UNC13B: variants seen among roughly 807,000 people sequenced by gnomAD.
UNC13B encodes protein unc-13 homolog B.
A neutral mutation model predicts 211.0 loss-of-function variants in UNC13B; 144 were observed. The ratio of observed to expected loss-of-function variants is 0.68; its 90% CI spans 0.60 to 0.78. UNC13B has a LOEUF of 0.78. Ranked by LOEUF, UNC13B falls within the 30% of genes least tolerant of loss-of-function variation. The pLI is 0.00. For missense variants in UNC13B, 1,777 were observed against 2,002.0 expected (o/e 0.89, Z 2.14); for synonymous variants, 709 against 725.8 (o/e 0.98, Z 0.37).
At chr9:35,383,026 G>T (rs909349183) in intron 21 of UNC13B, among the ~76,000 whole-genome samples, 2 of 152,164 alleles carry the variant, frequency 1.3e-5, no homozygotes, top group African/African-American at 4.8e-5. Flanking sequence ...AAGGTGGTTG[G>T]GGGTGGTACC....
At chr9:35,346,434 C>G (rs1293754281) in intron 11 of UNC13B, among the ~76,000 whole-genome samples, 1 of 152,114 alleles carries the variant, frequency 6.6e-6, no homozygotes, top group Admixed American at 6.6e-5. Flanking sequence ...AAAGAATCAG[C>G]CATTTCAAAA....
At chr9:35,346,200 A>C (rs1305985028) in intron 11 of UNC13B, among the ~76,000 whole-genome samples, 2 of 152,270 alleles carry the variant, frequency 1.3e-5, no homozygotes, top group South Asian at 4.1e-4. Flanking sequence ...TATGGCCCAG[A>C]AATGCTCTGT....
intron 6 of UNC13B, among the ~76,000 whole-genome samples, chr9:35,253,246 A>G (rs1055250817): frequency 2.0e-5 from 3 of 152,132 alleles, no homozygotes; most frequent in Non-Finnish European, 1.5e-5. Context: ...GGTTCAAGTG[A>G]TCCTCCCAGT....
At chr9:35,384,680 T>A (rs1224097223) in intron 22 of UNC13B, 3 of 985,294 alleles carry the variant, frequency 3.0e-6, no homozygotes, top group Non-Finnish European at 3.6e-6. Flanking sequence ...TTTTCCATAC[T>A]CTCCTCGTTT....
At chr9:35,162,359 A>T in intron 1 of UNC13B, 54 bp downstream of exon 1, 1 of 1,490,980 alleles carries the variant, frequency 6.7e-7, no homozygotes, top group Non-Finnish European at 8.9e-7. Flanking sequence ...AGGTCCCCGC[A>T]CCCTTCCAGT....
intron 1 of UNC13B, among the ~76,000 whole-genome samples, chr9:35,224,093 A>G (rs1824708406): frequency 6.6e-6 from 1 of 152,164 alleles, no homozygotes; most frequent in Admixed American, 6.5e-5. Context: ...TGATACCTTC[A>G]GCTTTGTCCA....
chr9:35,191,216 T>C (rs139970371), intron 1 of UNC13B, among the ~76,000 whole-genome samples: 1 of 152,288 alleles, frequency 6.6e-6, no homozygotes, highest in Non-Finnish European at 1.5e-5. Flanking sequence ...CCTCCCAAAG[T>C]GCAGGGATTA....
Position 35,397,740 on chromosome 9 carries a change from G to T in UNC13B, c.11754+28G>T, listed in dbSNP as rs765653958. ...AGGTTCAGGCCCTGGGACTCTTACA[G>T]AAAGAGAGTGGAAGACATTTGAATC... On this transcript the variant is annotated intron_variant, in intron 30 of 39. Coordinates refer to ENST00000635942, the MANE Select transcript of UNC13B (RefSeq NM_001371189.2). 8.1e-6 allele frequency: 13 copies of T among 1,610,264 alleles called. No homozygotes were observed. The African/African-American group carries it at 1.6e-4, about 20-fold the overall frequency.
intron 6 of UNC13B, among the ~76,000 whole-genome samples, chr9:35,257,731 G>A (rs10972409): frequency 0.15 from 22,760 of 150,526 alleles, 1,974 homozygotes; most frequent in Admixed American, 0.25. Context: ...TCTGACATTT[G>A]TACCATATTC....
At chr9:35,176,257 C>G (rs576141029) in intron 1 of UNC13B, among the ~76,000 whole-genome samples, 28 of 151,856 alleles carry the variant, frequency 1.8e-4, no homozygotes, top group African/African-American at 6.8e-4. Context: ...ATTCTTTCAA[C>G]AACTATTGGG....
intron 8 of UNC13B, among the ~76,000 whole-genome samples, chr9:35,299,168 A>G (rs494831): frequency 0.36 from 54,339 of 151,916 alleles, 10,182 homozygotes; most frequent in African/African-American, 0.47. Context: ...GGAGGCGGAC[A>G]TTGCAATGAG....
intron 1 of UNC13B, among the ~76,000 whole-genome samples, chr9:35,223,578 A>G (rs1189370033): frequency 2.6e-5 from 4 of 151,694 alleles, no homozygotes; most frequent in Admixed American, 1.3e-4. Context: ...TCTGGATATT[A>G]GTCCCTTGTT....
intron 1 of UNC13B, among the ~76,000 whole-genome samples, chr9:35,203,270 G>A (rs1287866489): frequency 3.9e-5 from 6 of 152,288 alleles, no homozygotes; most frequent in Admixed American, 3.9e-4. Flanking sequence ...TTTACAATTT[G>A]GCATGTTTTT....
intron 26 of UNC13B, among the ~76,000 whole-genome samples, chr9:35,394,535 G>A (rs1835751889): frequency 6.6e-6 from 1 of 152,206 alleles, no homozygotes; most frequent in South Asian, 2.1e-4. Flanking sequence ...GGCAGAGGTT[G>A]CAGTGAGCAG....
intron 7 of UNC13B, among the ~76,000 whole-genome samples, chr9:35,272,510 G>A (rs917716771): frequency 2.6e-5 from 4 of 151,966 alleles, no homozygotes; most frequent in African/African-American, 4.8e-5. Context: ...TACCCACCTC[G>A]GCCTCCCAAA....
intron 7 of UNC13B, among the ~76,000 whole-genome samples, chr9:35,276,072 G>C (rs902574099): frequency 6.6e-6 from 1 of 152,066 alleles, no homozygotes; most frequent in Non-Finnish European, 1.5e-5. Context: ...TTGGGAGGCT[G>C]AAGTGGGCAG....
intron 11 of UNC13B, chr9:35,353,044 A>C: frequency 8.1e-7 from 1 of 1,232,212 alleles, no homozygotes; most frequent in Non-Finnish European, 1.0e-6. Context: ...CAAAGGAACT[A>C]GAGGACCTTT....
At chr9:35,401,892 G>C in intron 37 of UNC13B, 1 of 1,501,862 alleles carries the variant, frequency 6.7e-7, no homozygotes, top group South Asian at 1.2e-5. Context: ...ACTGCTAACG[G>C]ATTCTTCTTT....
intron 18 of UNC13B, 41 bp downstream of exon 18, chr9:35,380,680 G>A (rs1834767191): frequency 2.5e-6 from 4 of 1,612,536 alleles, no homozygotes; most frequent in Non-Finnish European, 3.4e-6. Flanking sequence ...GGAAGGGAAA[G>A]CATGAAGGGG....
Sources: gnomAD v4.1 joint callset for allele counts (sites outside exome capture counted in the v4.1 genomes callset) on GRCh38, gnomAD v4.1.1 for gene constraint, MANE v1.5 for transcripts, NCBI Gene and HGNC (gene_info 2026-07-23, HGNC 2026-07-21) for gene names.